Variants in MYCBP2 observed in about 807,000 individuals in gnomAD.
The protein encoded by MYCBP2 is E3 ubiquitin-protein ligase MYCBP2.
In MYCBP2, 120 loss-of-function variants were observed where a neutral mutation model predicts 525.3. That is an observed-to-expected ratio of 0.23 (90% confidence interval 0.20 to 0.27). The LOEUF (loss-of-function observed/expected upper bound fraction) is 0.27, where lower values mean the gene tolerates loss of function less well. Ranked by LOEUF, MYCBP2 falls within the 10% of genes least tolerant of loss-of-function variation. The pLI, the probability that MYCBP2 is intolerant of heterozygous loss-of-function variation, is 1.00. For synonymous variants in MYCBP2, 1,894 were observed against 1,955.8 expected, an observed-to-expected ratio of 0.97 and a Z score of 0.83; for missense variants, 4,149 against 5,657.1, an observed-to-expected ratio of 0.73 and a Z score of 8.55.
At chr13:77,234,877 G>T (rs1170326002) in intron 17 of MYCBP2, among the ~76,000 whole-genome samples, 8 of 151,884 alleles carry the variant, frequency 5.3e-5, no homozygotes, top group Admixed American at 3.3e-4. Flanking sequence ...TCTATGGTCT[G>T]CCTACAATAT....
intron 17 of MYCBP2, among the ~76,000 whole-genome samples, chr13:77,239,059 G>A (rs891259016): frequency 6.6e-6 from 1 of 152,172 alleles, no homozygotes; most frequent in Non-Finnish European, 1.5e-5. Context: ...GGCGGAGGTT[G>A]CAGTGAGCCG....
chr13:77,133,652 G>C (rs1453844193), intron 52 of MYCBP2, among the ~76,000 whole-genome samples: 2 of 152,154 alleles, frequency 1.3e-5, no homozygotes, highest in Non-Finnish European at 2.9e-5. Flanking sequence ...AAGAGAGAAA[G>C]CTATTCTCCC....
chr13:77,168,766 A>C, intron 39 of MYCBP2, 120 bp from the exon 40 acceptor site: 2 of 836,766 alleles, frequency 2.4e-6, no homozygotes. Flanking sequence ...TCCACTAGTT[A>C]AGTTTTTGTC....
rs181644630 is a variant in MYCBP2 at position 77,125,577 on chromosome 13, T to C, written c.7885-109A>G. 104 of 1,182,496 alleles carry C rather than the reference T, an allele frequency of 8.8e-5. No individual in the cohort carries two copies. The Middle Eastern group carries it at 1.0e-3, about 12-fold the overall frequency. The allele number at this position is 1,182,496 out of a possible 1,614,324, so 73.3% of individuals were successfully genotyped here. ...TGAATAGTGTAATCATTCCAATACA[T>C]TTCTACTAAGAAATTAGTTTCTGAA... On this transcript the variant is annotated intron_variant, in intron 53 of 82. Coordinates refer to ENST00000544440, the MANE Select transcript of MYCBP2 (RefSeq NM_015057.5).
chr13:77,269,908 G>T, intron 7 of MYCBP2, 84 bp downstream of exon 7: 1 of 984,024 alleles, frequency 1.0e-6, no homozygotes, highest in East Asian at 2.4e-5. Flanking sequence ...TGTTTAAATA[G>T]AAGTGATATT....
At chr13:77,294,145 T>TATATATATATAC in intron 2 of MYCBP2, among the ~76,000 whole-genome samples, 1 of 134,524 alleles carries the variant, frequency 7.4e-6, no homozygotes, top group East Asian at 2.1e-4. Context: ...TATATATACA[T>TATATATATATAC]ATATATAAAA....
At chr13:77,306,360 A>C (rs917291528) in intron 1 of MYCBP2, among the ~76,000 whole-genome samples, 1 of 152,208 alleles carries the variant, frequency 6.6e-6, no homozygotes, top group African/African-American at 2.4e-5. Context: ...TTATTTACTT[A>C]ACCTAGCCGG....
chr13:77,108,977 G>A (rs2048326868), intron 55 of MYCBP2, among the ~76,000 whole-genome samples: 1 of 152,204 alleles, frequency 6.6e-6, no homozygotes, highest in African/African-American at 2.4e-5. Context: ...ACAGGCATGA[G>A]CCACTGTGCC....
chr13:77,165,619 T>C (rs1475695063), intron 41 of MYCBP2, among the ~76,000 whole-genome samples: 2 of 152,170 alleles, frequency 1.3e-5, no homozygotes, highest in Non-Finnish European at 2.9e-5. Context: ...GAATTGTTAC[T>C]TTTTTTCATA....
intron 7 of MYCBP2, 95 bp downstream of exon 7, chr13:77,269,897 C>A (rs2074637607): frequency 2.2e-6 from 2 of 923,738 alleles, no homozygotes; most frequent in South Asian, 1.5e-5. Context: ...ATTATCATTT[C>A]TGTTTAAATA....
At chr13:77,220,915 T>C (rs1363584494) in intron 20 of MYCBP2, among the ~76,000 whole-genome samples, 2 of 152,150 alleles carry the variant, frequency 1.3e-5, no homozygotes, top group African/African-American at 4.8e-5. Context: ...CTGCCCACAC[T>C]TCATGTAATC....
chr13:77,194,131 G>A, intron 27 of MYCBP2, 22 bp downstream of exon 27: 5 of 1,504,800 alleles, frequency 3.3e-6, no homozygotes, highest in Non-Finnish European at 4.6e-6. Context: ...GAGTTACAAT[G>A]AATAATGCAC....
intron 20 of MYCBP2, among the ~76,000 whole-genome samples, chr13:77,222,061 G>A (rs184937748): frequency 3.2e-4 from 48 of 152,160 alleles, no homozygotes; most frequent in African/African-American, 1.0e-3. Context: ...TGCAATTATC[G>A]TAGGCCTAAC....
rs115861532 is a variant in MYCBP2, at chr13:77,124,545, G to T, written c.8017+791C>A. On this transcript the variant is annotated intron_variant, in intron 54 of 82. Transcript: ENST00000544440. ...TTCAAGTTGTATTACAAAACTTCATGAGCAACTAGTATGTGTCAAAACTGT... is the reference window on the plus strand; with the variant it reads ...TTCAAGTTGTATTACAAAACTTCATTAGCAACTAGTATGTGTCAAAACTGT... Among the ~76,000 whole-genome samples the T allele has an allele frequency of 9.9e-3, 1,502 of 152,198 alleles. 24 individuals carry two copies. Among genetic ancestry groups the T allele is most frequent in the African/African-American group, 0.034 (1,417 of 41,526 alleles).
At chr13:77,176,357 T>A in intron 36 of MYCBP2, 140 bp downstream of exon 36, 1 of 575,720 alleles carries the variant, frequency 1.7e-6, no homozygotes, top group Non-Finnish European at 2.7e-6. Context: ...TAGTAGGTAC[T>A]CCATAAATAT....
At chr13:77,318,423 T>C (rs555452216) in intron 1 of MYCBP2, among the ~76,000 whole-genome samples, 2 of 152,262 alleles carry the variant, frequency 1.3e-5, no homozygotes, top group South Asian at 4.1e-4. Context: ...AAATAACACA[T>C]AAATTGGAAG....
chr13:77,167,363 A>C (rs186635845), intron 40 of MYCBP2, among the ~76,000 whole-genome samples: 1 of 152,314 alleles, frequency 6.6e-6, no homozygotes, highest in Admixed American at 6.5e-5. Context: ...CCAGAAAGCA[A>C]GGAAGCTAGG....
chr13:77,275,641 A>G (rs1266897675), intron 4 of MYCBP2, among the ~76,000 whole-genome samples: 2 of 152,114 alleles, frequency 1.3e-5, no homozygotes, highest in Non-Finnish European at 2.9e-5. Flanking sequence ...TGGGCAATAT[A>G]GTAAGATCCT....
intron 7 of MYCBP2, among the ~76,000 whole-genome samples, chr13:77,269,247 G>T (rs1399997282): frequency 6.6e-6 from 1 of 152,148 alleles, no homozygotes; most frequent in Admixed American, 6.5e-5. Context: ...GCCAAACACT[G>T]TTTCCTAGAA....
Sources: gnomAD v4.1 joint callset for allele counts (sites outside exome capture counted in the v4.1 genomes callset) on GRCh38, gnomAD v4.1.1 for gene constraint, MANE v1.5 for transcripts, NCBI Gene and HGNC (gene_info 2026-07-23, HGNC 2026-07-21) for gene names.